Variants in TNKS observed in about 807,000 individuals in gnomAD.
TNKS encodes tankyrase, also known as poly [ADP-ribose] polymerase tankyrase-1.
TNKS carries 72 observed loss-of-function variants against 135.8 expected under a neutral mutation model. The ratio of observed to expected loss-of-function variants is 0.53; its 90% CI spans 0.44 to 0.64. The LOEUF (loss-of-function observed/expected upper bound fraction) is 0.64. Ranked by LOEUF, TNKS falls within the 30% of genes least tolerant of loss-of-function variation. The pLI, the probability that TNKS is intolerant of heterozygous loss-of-function variation, is 0.00. For synonymous variants in TNKS, 849 were observed against 649.3 expected (o/e 1.31, Z -4.68); for missense variants, 1,769 against 1,674.0 (o/e 1.06, Z -0.99).
chr8:9,560,267 T>G (rs1797272012), intron 1 of TNKS, among the ~76,000 whole-genome samples: 1 of 152,060 alleles, frequency 6.6e-6, no homozygotes, highest in African/African-American at 2.4e-5. Flanking sequence ...TCTGAGATTT[T>G]ATAGTATTTA....
intron 3 of TNKS, among the ~76,000 whole-genome samples, chr8:9,668,909 C>T (rs1009704848): frequency 2.0e-5 from 3 of 152,006 alleles, no homozygotes; most frequent in Non-Finnish European, 4.4e-5. Context: ...GGGTTGAACA[C>T]CATTTTGTAA....
intron 1 of TNKS, among the ~76,000 whole-genome samples, chr8:9,562,698 C>CTT (rs1476549329): frequency 6.6e-6 from 1 of 152,122 alleles, no homozygotes; most frequent in Non-Finnish European, 1.5e-5. Context: ...TTACTTACCT[C>CTT]TTCTATGTTG....
chr8:9,598,693 CT>C (rs1798885230), intron 2 of TNKS, among the ~76,000 whole-genome samples: 1 of 129,402 alleles, frequency 7.7e-6, no homozygotes, highest in Non-Finnish European at 1.6e-5. Context: ...AGAGCAAGAC[CT>C]TGTCTAAAAT....
At chr8:9,731,966 T>C (rs1024717707) in intron 14 of TNKS, among the ~76,000 whole-genome samples, 1 of 152,088 alleles carries the variant, frequency 6.6e-6, no homozygotes, top group Non-Finnish European at 1.5e-5. Context: ...TTTTTGTATT[T>C]TTAGGAGAGA....
At chr8:9,752,712 C>T (rs748927011) in intron 20 of TNKS, 86 bp downstream of exon 20, 2 of 873,070 alleles carry the variant, frequency 2.3e-6, no homozygotes, top group South Asian at 1.7e-5. Flanking sequence ...ACTCCCAACA[C>T]TTTGGAATGC....
At chr8:9,613,444 G>C (rs964104618) in intron 2 of TNKS, among the ~76,000 whole-genome samples, 1 of 151,900 alleles carries the variant, frequency 6.6e-6, no homozygotes, top group Non-Finnish European at 1.5e-5. Flanking sequence ...TCTAATGAGG[G>C]GTTAGATACC....
At position 9,693,410 on chromosome 8, in the gene TNKS, G is replaced by A. The variant is rs561683037; in HGVS notation, c.1108-11253G>A. 4.6e-5 allele frequency among the ~76,000 whole-genome samples: 7 copies of A among 152,256 alleles called. No homozygotes were observed. The South Asian group carries it at 1.4e-3, about 32-fold the overall frequency. ...TGGAAAAATATCTGAAATGATCATT[G>A]TGCAACTGTAAATAGTGATTACATT... On this transcript the variant is annotated intron_variant, in intron 5 of 26. Transcript: ENST00000310430.
intron 1 of TNKS, among the ~76,000 whole-genome samples, chr8:9,564,573 C>G (rs146875863): frequency 3.3e-4 from 51 of 152,264 alleles, no homozygotes; most frequent in African/African-American, 1.2e-3. Context: ...GTGTCATAGA[C>G]AAAGAATCTT....
In TNKS at chr8:9,613,208, A is replaced by G. The variant is rs187494995; in HGVS notation, c.899-2374A>G. Among the ~76,000 whole-genome samples the G allele has an allele frequency of 9.5e-4, 145 of 152,350 alleles. 5 individuals are homozygous for G. Among genetic ancestry groups the G allele is most frequent in the Admixed American group, 7.7e-3 (118 of 15,298 alleles). ...AAATATTTACTATCAGGCCTACTAC[A>G]GAAAGAGTTAGCTGACCCCTGCCCT... is the stretch of plus-strand genomic sequence containing the variant. On this transcript the variant is annotated intron_variant, in intron 2 of 26. Transcript: ENST00000310430.
intron 3 of TNKS, among the ~76,000 whole-genome samples, chr8:9,639,751 A>C (rs1800653146): frequency 6.6e-6 from 1 of 152,132 alleles, no homozygotes; most frequent in African/African-American, 2.4e-5. Context: ...TTGTGCTATA[A>C]GTGTATTAGG....
At chr8:9,715,676 A>T (rs1804570325) in intron 11 of TNKS, among the ~76,000 whole-genome samples, 1 of 152,186 alleles carries the variant, frequency 6.6e-6, no homozygotes, top group Non-Finnish European at 1.5e-5. Flanking sequence ...AGAGGGGAAT[A>T]AGGGCAATAT....
intron 2 of TNKS, among the ~76,000 whole-genome samples, chr8:9,607,871 T>C (rs1678317446): frequency 6.6e-6 from 1 of 152,164 alleles, no homozygotes; most frequent in South Asian, 2.1e-4. Context: ...TCCTTTTTTT[T>C]GACTGCATAT....
At chr8:9,628,695 T>C (rs1290647598) in intron 3 of TNKS, among the ~76,000 whole-genome samples, 1 of 152,172 alleles carries the variant, frequency 6.6e-6, no homozygotes, top group East Asian at 1.9e-4. Context: ...TAAAGACCCC[T>C]CTCGTTCAGA....
chr8:9,706,667 G>C (rs1268893045), intron 7 of TNKS, 144 bp from the exon 8 acceptor site: 6 of 712,632 alleles, frequency 8.4e-6, no homozygotes, highest in Non-Finnish European at 1.3e-5. Flanking sequence ...AATTTCAGCT[G>C]TTTTTGAAAG....
chr8:9,574,593 A>G (rs1304317621), intron 1 of TNKS, among the ~76,000 whole-genome samples: 1 of 152,228 alleles, frequency 6.6e-6, no homozygotes, highest in African/African-American at 2.4e-5. Context: ...ACATACTTAC[A>G]ATGAAACCCA....
chr8:9,608,992 TAA>T (rs1799341184), intron 2 of TNKS, among the ~76,000 whole-genome samples: 2 of 152,352 alleles, frequency 1.3e-5, no homozygotes, highest in East Asian at 1.9e-4. Flanking sequence ...GGCTGGAAAC[TAA>T]AGTTTTATTT....
In TNKS at chr8:9,580,078, G is replaced by C. The variant is rs1324400072; in HGVS notation, c.674-81G>C. 3 of 1,196,626 alleles carry C rather than the reference G, an allele frequency of 2.5e-6. No individual in the cohort carries two copies. In the African/African-American group the frequency reaches 4.5e-5, roughly 18 times the overall value. The allele number at this position is 1,196,626 out of a possible 1,614,324, so 74.1% of individuals were successfully genotyped here. A position where few individuals can be genotyped will look rare whatever the true frequency, so the allele number is the denominator to read the frequency against. ...TGCAGTACTTCAGTTGTTCATACTT[G>C]TTGATATTGTTACAGATATTCTAAT... On this transcript the variant is annotated intron_variant, in intron 1 of 26. Transcript: ENST00000310430.
At position 9,555,912 on chromosome 8, in the gene TNKS, G is replaced by A. The variant is rs762543102; in HGVS notation, c.-28G>A. 1.5e-5 allele frequency: 24 copies of A among 1,574,388 alleles called. No homozygotes were observed. The Admixed American group carries it at 4.6e-4, about 30-fold the overall frequency. ...AGGGCGGGCGGTGGGGGCCGTTGCC[G>A]CAGTGACAGTGCTAGGGGAGTCCGA... On this transcript the variant is annotated 5_prime_UTR_variant, in exon 1 of 27. Coordinates refer to ENST00000310430, the MANE Select transcript of TNKS (RefSeq NM_003747.3).
intron 3 of TNKS, among the ~76,000 whole-genome samples, chr8:9,661,691 A>G (rs1801721892): frequency 6.6e-6 from 1 of 152,240 alleles, no homozygotes. Flanking sequence ...CTTCATGTCT[A>G]AAACACCAAA....
Sources: allele counts gnomAD v4.1 joint callset (sites outside exome capture counted in the v4.1 genomes callset), GRCh38; gene constraint gnomAD v4.1.1; transcripts MANE v1.5; gene names NCBI Gene and HGNC (gene_info 2026-07-23, HGNC 2026-07-21).